Variants in NPY2R observed in about 807,000 individuals in gnomAD.
NPY2R encodes the protein neuropeptide Y receptor type 2.
A neutral mutation model predicts 22.3 loss-of-function variants in NPY2R; 17 were observed. The observed-to-expected ratio is 0.76, with a 90% CI of 0.52 to 1.14. The LOEUF (loss-of-function observed/expected upper bound fraction) is 1.14, where lower values mean the gene tolerates loss of function less well. Ranked by LOEUF, NPY2R falls within the 50% of genes most tolerant of loss-of-function variation. NPY2R has a pLI of 0.00. For missense variants in NPY2R, 424 were observed against 467.9 expected (o/e 0.91, Z 0.87); for synonymous variants, 209 against 183.4 (o/e 1.14, Z -1.13).
At chr4:155,200,904 G>A in the NPY2R span, among the ~76,000 whole-genome samples, 21 of 152,168 alleles carry the variant, frequency 1.4e-4, no homozygotes, top group East Asian at 1.7e-3. Context: ...GCTAATGCAC[G>A]TGGGGCTTAA....
rs757963258 is a variant in NPY2R at position 155,215,775 on chromosome 4, G to C, written c.*690G>C. 6.0e-6 allele frequency: 1 copy of C among 167,088 alleles called. No individual in the cohort carries two copies. The highest frequency in any genetic ancestry group is 1.5e-5 in the Non-Finnish European group (1 of 68,210). 10.4% of individuals were successfully genotyped at this position (167,088 alleles called of 1,614,324 possible). A position where few individuals can be genotyped will look rare whatever the true frequency, so the allele number is the denominator to read the frequency against. On this transcript the variant is annotated 3_prime_UTR_variant, in exon 2 of 2. Coordinates refer to ENST00000329476, the MANE Select transcript of NPY2R (RefSeq NM_000910.4). ...AAGTTTCTTCAACTCTGAATCAAAA[G>C]CTGAAATTCTCAGAATTACAGGAAA...
At chr4:155,205,905 A>T (rs974749564), upstream of NPY2R, among the ~76,000 whole-genome samples, 1 of 151,662 alleles carries the variant, frequency 6.6e-6, no homozygotes, top group Non-Finnish European at 1.5e-5. Context: ...GGATTTTTAA[A>T]AATTAATTTG....
the NPY2R span, among the ~76,000 whole-genome samples, chr4:155,191,061 C>T: frequency 6.6e-6 from 1 of 151,726 alleles, no homozygotes; most frequent in Non-Finnish European, 1.5e-5. Context: ...CATTGTTTCT[C>T]AACTAGATGA....
the NPY2R span, among the ~76,000 whole-genome samples, chr4:155,194,918 A>G: frequency 1.3e-5 from 2 of 151,908 alleles, no homozygotes; most frequent in African/African-American, 4.8e-5. Flanking sequence ...ACTTTTTCAT[A>G]ATAGCCATTC....
the NPY2R span, among the ~76,000 whole-genome samples, chr4:155,194,945 G>T: frequency 7.9e-5 from 12 of 151,864 alleles, no homozygotes; most frequent in African/African-American, 2.4e-4. Flanking sequence ...GTGTGAGATG[G>T]TATCTCATTG....
At chr4:155,179,157 C>A in the NPY2R span, among the ~76,000 whole-genome samples, 1 of 152,190 alleles carries the variant, frequency 6.6e-6, no homozygotes, top group Admixed American at 6.6e-5. Context: ...TTTCCAATGA[C>A]AACCCTGAGA....
the NPY2R span, among the ~76,000 whole-genome samples, chr4:155,196,787 G>GA: frequency 0.026 from 4,003 of 151,900 alleles, 172 homozygotes; most frequent in African/African-American, 0.092. Context: ...CCAGAGGGGG[G>GA]ATCTCATCAT....
the NPY2R span, among the ~76,000 whole-genome samples, chr4:155,181,770 A>T: frequency 6.6e-6 from 1 of 152,164 alleles, no homozygotes; most frequent in Non-Finnish European, 1.5e-5. Context: ...CAAACTACCC[A>T]GTTTATGGCA....
chr4:155,176,543 T>C, the NPY2R span, among the ~76,000 whole-genome samples: 1 of 152,152 alleles, frequency 6.6e-6, no homozygotes, highest in Non-Finnish European at 1.5e-5. Flanking sequence ...CATGATAAAT[T>C]AGGTGGTTAC....
In NPY2R at chr4:155,212,208, C is replaced by A. The variant is rs530238329; in HGVS notation, c.-48-1684C>A. Among the ~76,000 whole-genome samples, 7 of 152,262 alleles carry A rather than the reference C, an allele frequency of 4.6e-5. No individual in the cohort carries two copies. In the South Asian group the frequency reaches 1.5e-3, roughly 32 times the overall value. On this transcript the variant is annotated intron_variant, in intron 1 of 1. Transcript: ENST00000329476. ...ATTGAAAGGTTCATAAAAACAAATTCATAAAAGAAGCTCTGAATGAACAGT... is the reference window on the plus strand; with the variant it reads ...ATTGAAAGGTTCATAAAAACAAATTAATAAAAGAAGCTCTGAATGAACAGT...
At position 155,214,458 on chromosome 4, in the gene NPY2R, G is replaced by A; in HGVS notation, c.519G>A (p.Trp173Ter). The change falls in exon 2 of 2, where the codon TGG becomes TGA. Residue 173 changes from tryptophan to a stop codon, truncating the protein, a stop_gained. Transcript: ENST00000329476. LOFTEE classifies it high-confidence loss of function. Reference sequence around the variant, plus strand: ...GCTTCCTGATTATTGGCTTGGCCTGGGGCATCAGTGCCCTGCTGGCAAGTC... The same window carrying A: ...GCTTCCTGATTATTGGCTTGGCCTGAGGCATCAGTGCCCTGCTGGCAAGTC... ...RISFLIIGLA[W>*]GISALLASPL... 6.2e-7 allele frequency: 1 copy of A among 1,614,058 alleles called. No homozygotes were observed. The highest frequency in any genetic ancestry group is 8.5e-7 in the Non-Finnish European group (1 of 1,180,008).
At chr4:155,175,642 C>T in the NPY2R span, among the ~76,000 whole-genome samples, 2 of 152,060 alleles carry the variant, frequency 1.3e-5, no homozygotes, top group African/African-American at 2.4e-5. Context: ...TGTTAAAAGC[C>T]TATTCTCAAG....
At chr4:155,197,349 G>A in the NPY2R span, among the ~76,000 whole-genome samples, 1 of 151,874 alleles carries the variant, frequency 6.6e-6, no homozygotes, top group Non-Finnish European at 1.5e-5. Context: ...ACAAATGGGA[G>A]TGTAAACCTA....
the NPY2R span, among the ~76,000 whole-genome samples, chr4:155,177,495 C>G: frequency 3.9e-5 from 6 of 152,010 alleles, no homozygotes; most frequent in African/African-American, 9.7e-5. Context: ...CCCACCAGTT[C>G]AACTTAAATG....
chr4:155,200,550 A>G, the NPY2R span, among the ~76,000 whole-genome samples: 1 of 152,220 alleles, frequency 6.6e-6, no homozygotes, highest in Non-Finnish European at 1.5e-5. Context: ...AGACACACGT[A>G]CATGTATGTT....
At chr4:155,205,124 A>G (rs908631313), upstream of NPY2R, among the ~76,000 whole-genome samples, 27 of 152,346 alleles carry the variant, frequency 1.8e-4, no homozygotes, top group African/African-American at 6.5e-4. Context: ...CAAATTAACT[A>G]CAACTCAATA....
chr4:155,202,368 T>C, the NPY2R span, among the ~76,000 whole-genome samples: 1 of 152,148 alleles, frequency 6.6e-6, no homozygotes, highest in Non-Finnish European at 1.5e-5. Flanking sequence ...AATCTCAATC[T>C]GTTTAATGTA....
chr4:155,184,633 T>C, the NPY2R span, among the ~76,000 whole-genome samples: 3 of 152,164 alleles, frequency 2.0e-5, no homozygotes, highest in African/African-American at 7.2e-5. Context: ...TTTTCTTCCA[T>C]TGGCTTTTCA....
At chr4:155,212,929 C>T (rs1223814202) in intron 1 of NPY2R, among the ~76,000 whole-genome samples, 2 of 152,304 alleles carry the variant, frequency 1.3e-5, no homozygotes, top group African/African-American at 4.8e-5. Flanking sequence ...GTATGTAATA[C>T]ACCATGGAAT....
Sources: allele counts gnomAD v4.1 joint callset (sites outside exome capture counted in the v4.1 genomes callset), GRCh38; gene constraint gnomAD v4.1.1; transcripts MANE v1.5; gene names NCBI Gene and HGNC (gene_info 2026-07-23, HGNC 2026-07-21).